GSAP: variants seen among roughly 807,000 people sequenced by gnomAD.
GSAP encodes the protein gamma-secretase activating protein, also known as gamma-secretase-activating protein.
Under a neutral mutation model 131.7 loss-of-function variants are expected in GSAP, and 118 were observed. The observed-to-expected ratio is 0.90, with a 90% CI of 0.77 to 1.04. The LOEUF (loss-of-function observed/expected upper bound fraction) is 1.04. Among genes scored for constraint, GSAP ranks in the 50% least tolerant of loss-of-function variants. GSAP has a pLI of 0.00. For missense variants in GSAP, 1,019 were observed against 1,013.2 expected (o/e 1.01, Z -0.08); for synonymous variants, 381 against 363.4 (o/e 1.05, Z -0.55).
At chr7:77,349,548 G>T (rs771996016) in intron 18 of GSAP, 144 bp from the exon 19 acceptor site, 46 of 635,540 alleles carry the variant, frequency 7.2e-5, no homozygotes, top group Non-Finnish European at 1.1e-4. Flanking sequence ...ACCTTGGAGG[G>T]CATAAATAAC....
At chr7:77,399,404 A>C (rs1800949490) in intron 3 of GSAP, among the ~76,000 whole-genome samples, 1 of 152,206 alleles carries the variant, frequency 6.6e-6, no homozygotes, top group Admixed American at 6.5e-5. Context: ...CAGCAATTCC[A>C]ACCCAGTGAA....
At chr7:77,356,464 T>TATC (rs1017159932) in intron 14 of GSAP, among the ~76,000 whole-genome samples, 6 of 152,308 alleles carry the variant, frequency 3.9e-5, no homozygotes, top group African/African-American at 1.2e-4. Context: ...TGATCATCAT[T>TATC]ATCATCATCA....
rs1787958097 is a variant in GSAP at position 77,323,736 on chromosome 7, A to T, written c.1834T>A (p.Ser612Thr). Residue 612 changes from serine to threonine, a missense_variant, in exon 24 of 31, where the codon TCT (serine) becomes ACT (threonine). Transcript: ENST00000257626. ...CTCAAAAAATGGTCTTTTAGCTCAG[A>T]CACCATCTGAAAACAGGATATGCAT... Reference protein sequence around the residue: ...HQRLLMGLMVSELKDHFLRHL... With the variant: ...HQRLLMGLMVTELKDHFLRHL... The T allele has an allele frequency of 6.4e-7, 1 of 1,558,830 alleles. No homozygotes were observed.
intron 29 of GSAP, 29 bp from the exon 30 acceptor site, chr7:77,311,969 C>T (rs373147295): frequency 1.5e-6 from 2 of 1,340,172 alleles, no homozygotes; most frequent in African/African-American, 2.9e-5. Context: ...CTGGTGTAAG[C>T]TGATTCTCCA....
intron 26 of GSAP, chr7:77,315,055 C>T (rs549845759): frequency 6.5e-6 from 1 of 152,774 alleles, no homozygotes; most frequent in Admixed American, 6.5e-5. Context: ...AAGCCTGTCT[C>T]ACGGGTAGAG....
chr7:77,341,282 A>C (rs1790864751), intron 19 of GSAP, among the ~76,000 whole-genome samples: 1 of 151,872 alleles, frequency 6.6e-6, no homozygotes, highest in Admixed American at 6.6e-5. Context: ...CCAAGCTCTG[A>C]GTCCTTGAAT....
intron 3 of GSAP, among the ~76,000 whole-genome samples, chr7:77,398,299 G>A (rs1409693749): frequency 6.6e-6 from 1 of 152,170 alleles, no homozygotes; most frequent in Non-Finnish European, 1.5e-5. Context: ...GATGGGAAAA[G>A]CTGGGAAAGT....
intron 19 of GSAP, among the ~76,000 whole-genome samples, chr7:77,348,111 G>A (rs940551220): frequency 6.6e-6 from 1 of 152,038 alleles, no homozygotes; most frequent in African/African-American, 2.4e-5. Flanking sequence ...AGAGATTATA[G>A]TGAGCTATGA....
chr7:77,362,050 A>C (rs539996349), intron 13 of GSAP, among the ~76,000 whole-genome samples: 102 of 152,364 alleles, frequency 6.7e-4, no homozygotes, highest in African/African-American at 2.4e-3. Flanking sequence ...AAGCCTAGAA[A>C]AATATATAGG....
chr7:77,355,786 C>CTTTTTTTTTT (rs1404240959), intron 14 of GSAP, 139 bp from the exon 15 acceptor site: 29 of 305,316 alleles, frequency 9.5e-5, no homozygotes, highest in South Asian at 5.5e-4. Context: ...AATGACAGCC[C>CTTTTTTTTTT]GTTTTTTTTT....
In GSAP at chr7:77,402,497, A is replaced by AG. The variant is rs552423988; in HGVS notation, c.243+2061dup. On this transcript the variant is annotated intron_variant, in intron 3 of 30. Coordinates refer to ENST00000257626, the MANE Select transcript of GSAP (RefSeq NM_017439.4). ...GTAGTTCCAGCTACTTGGGACGCTG[A>AG]GGCAGGAGATTTGCTTGAACCCAGG... Among the ~76,000 whole-genome samples, 1,371 of 146,366 alleles carry AG rather than the reference A, an allele frequency of 9.4e-3. 14 individuals carry two copies. Among genetic ancestry groups the AG allele is most frequent in the Non-Finnish European group, 0.014 (954 of 66,634 alleles).
intron 3 of GSAP, among the ~76,000 whole-genome samples, chr7:77,402,362 T>C (rs943671330): frequency 1.5e-5 from 2 of 134,722 alleles, no homozygotes; most frequent in African/African-American, 5.6e-5. Flanking sequence ...CTGGCCAACA[T>C]GGGAAACCCC....
At chr7:77,386,804 C>T (rs1416748063) in intron 6 of GSAP, among the ~76,000 whole-genome samples, 1 of 152,160 alleles carries the variant, frequency 6.6e-6, no homozygotes, top group African/African-American at 2.4e-5. Flanking sequence ...ACCTCAATTG[C>T]GAATGTGCAT....
At chr7:77,365,110 C>G (rs1343313426) in intron 12 of GSAP, among the ~76,000 whole-genome samples, 1 of 152,056 alleles carries the variant, frequency 6.6e-6, no homozygotes, top group Non-Finnish European at 1.5e-5. Context: ...ACATGTGTGC[C>G]TGGCTAATTA....
intron 14 of GSAP, among the ~76,000 whole-genome samples, chr7:77,356,134 A>C (rs940691543): frequency 2.0e-5 from 3 of 151,924 alleles, no homozygotes; most frequent in African/African-American, 7.3e-5. Flanking sequence ...AGCCTCCCCA[A>C]ATGCTGGGAT....
chr7:77,398,350 C>A (rs1234502769), intron 3 of GSAP, among the ~76,000 whole-genome samples: 1 of 152,176 alleles, frequency 6.6e-6, no homozygotes, highest in Admixed American at 6.5e-5. Context: ...TTCAGTTAAT[C>A]AGATACTGAA....
intron 7 of GSAP, among the ~76,000 whole-genome samples, chr7:77,381,799 T>G (rs1244701892): frequency 6.6e-6 from 1 of 151,952 alleles, no homozygotes; most frequent in South Asian, 2.1e-4. Context: ...GGGGAAGCAT[T>G]TTAATAGAGG....
intron 8 of GSAP, chr7:77,379,911 G>A: frequency 3.1e-6 from 3 of 974,232 alleles, no homozygotes; most frequent in Non-Finnish European, 3.7e-6. Flanking sequence ...ATACACAATT[G>A]ATAAATTCCA....
At chr7:77,354,345 G>T (rs1240174202) in intron 16 of GSAP, among the ~76,000 whole-genome samples, 1 of 152,090 alleles carries the variant, frequency 6.6e-6, no homozygotes, top group Non-Finnish European at 1.5e-5. Context: ...GAGTGTCATT[G>T]GGTCAGTAAA....
Sources: gnomAD v4.1 joint callset for allele counts (sites outside exome capture counted in the v4.1 genomes callset) on GRCh38, gnomAD v4.1.1 for gene constraint, MANE v1.5 for transcripts, NCBI Gene and HGNC (gene_info 2026-07-23, HGNC 2026-07-21) for gene names.